RHOU: variants seen among roughly 807,000 people sequenced by gnomAD.
RHOU encodes ras homolog family member U.
A neutral mutation model predicts 12.6 loss-of-function variants in RHOU; 8 were observed. The ratio of observed to expected loss-of-function variants is 0.64; its 90% CI spans 0.37 to 1.15. The LOEUF (loss-of-function observed/expected upper bound fraction) is 1.15, where lower values mean the gene tolerates loss of function less well. RHOU is among the 50% of genes most tolerant of loss of function. RHOU has a pLI of 0.01. For missense variants in RHOU, 258 were observed against 347.0 expected (o/e 0.74, Z 2.04); for synonymous variants, 161 against 147.4 (o/e 1.09, Z -0.67).
chr1:228,648,654 T>G, the RHOU span, among the ~76,000 whole-genome samples: 3 of 152,368 alleles, frequency 2.0e-5, no homozygotes, highest in Admixed American at 2.0e-4. Flanking sequence ...ACTCGGTTTT[T>G]CTTGACATAC....
the RHOU span, among the ~76,000 whole-genome samples, chr1:228,661,523 C>G: frequency 6.6e-6 from 1 of 152,132 alleles, no homozygotes; most frequent in Admixed American, 6.5e-5. Context: ...GAAATAACAC[C>G]ACACACCTAC....
At chr1:228,731,951 A>G (rs1458074386), upstream of RHOU, among the ~76,000 whole-genome samples, 1 of 152,196 alleles carries the variant, frequency 6.6e-6, no homozygotes, top group Non-Finnish European at 1.5e-5. Context: ...GGTGTAATGC[A>G]TTTTTTGTCT....
At chr1:228,699,094 TTG>T in the RHOU span, among the ~76,000 whole-genome samples, 34 of 147,488 alleles carry the variant, frequency 2.3e-4, no homozygotes, top group Non-Finnish European at 2.7e-4. Flanking sequence ...AGTTTTTTTT[TTG>T]TTTTTTTTAA....
At chr1:228,741,400 G>C (rs1662718266) in intron 2 of RHOU, among the ~76,000 whole-genome samples, 1 of 152,126 alleles carries the variant, frequency 6.6e-6, no homozygotes, top group Admixed American at 6.5e-5. Flanking sequence ...GCTTTCCAAA[G>C]CCCCCTCAGA....
chr1:228,724,101 T>A, the RHOU span, among the ~76,000 whole-genome samples: 1 of 152,230 alleles, frequency 6.6e-6, no homozygotes, highest in Non-Finnish European at 1.5e-5. Flanking sequence ...TTATTTTGAG[T>A]GTTGCACTGA....
chr1:228,713,897 A>C, the RHOU span, among the ~76,000 whole-genome samples: 1 of 152,154 alleles, frequency 6.6e-6, no homozygotes, highest in Non-Finnish European at 1.5e-5. Context: ...TGTCTGCTGT[A>C]GATTTGATTG....
chr1:228,721,473 CA>C, the RHOU span, among the ~76,000 whole-genome samples: 2 of 152,130 alleles, frequency 1.3e-5, no homozygotes, highest in African/African-American at 4.8e-5. Flanking sequence ...TAGTCAAAGC[CA>C]AGCCCTTGTC....
chr1:228,705,524 A>G, the RHOU span, among the ~76,000 whole-genome samples: 1 of 152,150 alleles, frequency 6.6e-6, no homozygotes, highest in African/African-American at 2.4e-5. Context: ...CTGCCTAGGT[A>G]TGTAAGAAAA....
chr1:228,736,110 C>CCT, intron 1 of RHOU, 106 bp downstream of exon 1: 1 of 1,155,596 alleles, frequency 8.7e-7, no homozygotes, highest in Non-Finnish European at 1.2e-6. Context: ...TGCAGGGCCC[C>CCT]GGGCGCGGCT....
the RHOU span, among the ~76,000 whole-genome samples, chr1:228,669,925 G>C: frequency 1.3e-5 from 2 of 152,282 alleles, no homozygotes; most frequent in Non-Finnish European, 2.9e-5. Flanking sequence ...ACGACCACAA[G>C]AATATAAACA....
chr1:228,664,013 T>A, the RHOU span, among the ~76,000 whole-genome samples: 5 of 74,424 alleles, frequency 6.7e-5, no homozygotes, highest in African/African-American at 2.6e-4. Flanking sequence ...TCCTCTCCCC[T>A]CTCCTTTTTT....
At chr1:228,657,332 A>C in the RHOU span, among the ~76,000 whole-genome samples, 1 of 151,434 alleles carries the variant, frequency 6.6e-6, no homozygotes, top group Non-Finnish European at 1.5e-5. Context: ...AAAAAAAAGA[A>C]AAAAGATATT....
the RHOU span, among the ~76,000 whole-genome samples, chr1:228,655,863 G>C: frequency 6.6e-6 from 1 of 152,206 alleles, no homozygotes; most frequent in Non-Finnish European, 1.5e-5. Context: ...CAAAGAGAGG[G>C]TTCTCATACA....
intron 2 of RHOU, among the ~76,000 whole-genome samples, chr1:228,742,699 G>T (rs1662748851): frequency 6.6e-6 from 1 of 152,220 alleles, no homozygotes; most frequent in South Asian, 2.1e-4. Context: ...GTCTGGCCTT[G>T]AGTCTGATTA....
At chr1:228,698,990 A>T in the RHOU span, among the ~76,000 whole-genome samples, 1 of 152,186 alleles carries the variant, frequency 6.6e-6, no homozygotes, top group African/African-American at 2.4e-5. Flanking sequence ...GGGTGGCAAG[A>T]GTAGTCTTTC....
the RHOU span, among the ~76,000 whole-genome samples, chr1:228,724,980 TA>T: frequency 6.6e-6 from 1 of 152,236 alleles, no homozygotes; most frequent in Non-Finnish European, 1.5e-5. Context: ...CAAAGTCACT[TA>T]TTTGTCCTTG....
At chr1:228,739,367 C>G (rs1445518066) in intron 2 of RHOU, among the ~76,000 whole-genome samples, 2 of 151,986 alleles carry the variant, frequency 1.3e-5, no homozygotes, top group African/African-American at 4.8e-5. Context: ...AGTTCAAGAC[C>G]AGCCTGGCCA....
the RHOU span, among the ~76,000 whole-genome samples, chr1:228,711,681 C>G: frequency 6.6e-6 from 1 of 152,094 alleles, no homozygotes; most frequent in Non-Finnish European, 1.5e-5. Flanking sequence ...AAGACTTAAA[C>G]GTTAGACCTA....
the RHOU span, among the ~76,000 whole-genome samples, chr1:228,712,411 A>T: frequency 6.6e-6 from 1 of 151,948 alleles, no homozygotes; most frequent in African/African-American, 2.4e-5. Context: ...GAACCAACCC[A>T]CACGTCCAAC....
Sources: gnomAD v4.1 joint callset for allele counts (sites outside exome capture counted in the v4.1 genomes callset) on GRCh38, gnomAD v4.1.1 for gene constraint, MANE v1.5 for transcripts, NCBI Gene and HGNC (gene_info 2026-07-23, HGNC 2026-07-21) for gene names.